Variants in CNOT1 observed in about 807,000 individuals in gnomAD.
The protein encoded by CNOT1 is CCR4-NOT transcription complex subunit 1.
A neutral mutation model predicts 273.8 loss-of-function variants in CNOT1; 15 were observed. The ratio of observed to expected loss-of-function variants is 0.05; its 90% confidence interval spans 0.04 to 0.08. The LOEUF is 0.08. Among genes scored for constraint, CNOT1 ranks in the 10% least tolerant of loss-of-function variants. The pLI is 1.00. For missense variants in CNOT1, 1,644 were observed against 2,912.2 expected (o/e 0.56, Z 10.02); for synonymous variants, 1,022 against 1,005.5 (o/e 1.02, Z -0.31).
chr16:58,615,431 C>T (rs2043039430), intron 1 of CNOT1, among the ~76,000 whole-genome samples: 1 of 124,870 alleles, frequency 8.0e-6, no homozygotes, highest in Non-Finnish European at 1.9e-5. Context: ...TCAGACCTAG[C>T]TCACAAAACC....
At chr16:58,533,397 G>A (rs1302979446) in intron 40 of CNOT1, among the ~76,000 whole-genome samples, 1 of 152,230 alleles carries the variant, frequency 6.6e-6, no homozygotes, top group Non-Finnish European at 1.5e-5. Context: ...AGCACTTTGG[G>A]AGGCTGAGGC....
intron 17 of CNOT1, 99 bp from the exon 18 acceptor site, chr16:58,558,773 G>A: frequency 6.8e-7 from 1 of 1,477,060 alleles, no homozygotes; most frequent in South Asian, 1.3e-5. Flanking sequence ...ATCTTAAAAA[G>A]CAAACTATTA....
rs549768685 is a variant in CNOT1, at chr16:58,629,608, G to C, written c.-175+120C>G. The C allele has an allele frequency of 2.6e-5, 4 of 152,868 alleles. No individual in the cohort carries two copies. In the East Asian group the frequency reaches 7.7e-4, roughly 30 times the overall value. The allele number at this position is 152,868 out of a possible 1,614,324, so 9.5% of individuals were successfully genotyped here. On this transcript the variant is annotated intron_variant, in intron 1 of 48. Transcript: ENST00000317147. Reference sequence around the variant, plus strand: ...CGTCCCGGCTGCCTCTCACTCCCTAGAGCTCCGGGAAACGCTTCCAGTGGC... The same window carrying C: ...CGTCCCGGCTGCCTCTCACTCCCTACAGCTCCGGGAAACGCTTCCAGTGGC...
intron 1 of CNOT1, among the ~76,000 whole-genome samples, chr16:58,612,047 C>G (rs2042921718): frequency 1.6e-5 from 1 of 63,392 alleles, no homozygotes; most frequent in South Asian, 3.9e-4. Flanking sequence ...TCGCGGCCAA[C>G]CTCAAAACAC....
chr16:58,549,052 G>A (rs1021337992), intron 25 of CNOT1, among the ~76,000 whole-genome samples: 3 of 152,192 alleles, frequency 2.0e-5, no homozygotes, highest in African/African-American at 7.2e-5. Flanking sequence ...ACTCTGGGAG[G>A]CCGAGGAGGG....
rs2040296870 is a variant in CNOT1, at chr16:58,547,513, T to C, written c.3639+53A>G. The stretch of plus-strand genomic sequence containing the variant: ...AATAGCTCCAAACAGCCAATACTTG[T>C]AATCATAATGTGCTGAAGATTCTCA... On this transcript the variant is annotated intron_variant, in intron 26 of 48. Coordinates refer to ENST00000317147, the MANE Select transcript of CNOT1 (RefSeq NM_016284.5). The surrounding 1 kb of genome is among the most constrained non-coding windows in gnomAD (Gnocchi z 4.0). 1.3e-6 allele frequency: 2 copies of C among 1,565,212 alleles called. No individual in the cohort carries two copies. Among genetic ancestry groups the C allele is most frequent in the Admixed American group, 3.8e-5 (2 of 52,396 alleles).
At chr16:58,560,455 T>TG (rs2040795236) in intron 16 of CNOT1, 93 bp from the exon 17 acceptor site, 3 of 1,490,224 alleles carry the variant, frequency 2.0e-6, no homozygotes, top group Non-Finnish European at 2.7e-6. Context: ...TTTTTTAAGA[T>TG]GGAGTCTCAC....
At chr16:58,623,809 T>G (rs532048348) in intron 1 of CNOT1, among the ~76,000 whole-genome samples, 5 of 152,022 alleles carry the variant, frequency 3.3e-5, no homozygotes, top group Non-Finnish European at 7.4e-5. Context: ...ACCAACATGA[T>G]GAAACCCCAT....
At chr16:58,604,117 T>G (rs1224541584) in intron 1 of CNOT1, among the ~76,000 whole-genome samples, 1 of 152,156 alleles carries the variant, frequency 6.6e-6, no homozygotes, top group Non-Finnish European at 1.5e-5. Context: ...TACATGAGAA[T>G]AGACAATAAG....
Position 58,615,092 on chromosome 16 carries a change from G to A in CNOT1, c.-175+14636C>T, listed in dbSNP as rs376213392. ...TTACTGAACCTGCAGGTGGACTTGG[G>A]AACTGTCCCCAACACGCTTGCCCAG... On this transcript the variant is annotated intron_variant, in intron 1 of 48. Coordinates refer to ENST00000317147, the MANE Select transcript of CNOT1 (RefSeq NM_016284.5). Among the ~76,000 whole-genome samples, 14 of 124,468 alleles carry A rather than the reference G, an allele frequency of 1.1e-4. 2 individuals are homozygous for A. The highest frequency in any genetic ancestry group is 2.7e-4 in the African/African-American group (10 of 36,886). 81.7% of individuals were successfully genotyped at this position (124,468 alleles called of 152,430 possible). A position where few individuals can be genotyped will look rare whatever the true frequency, so the allele number is the denominator to read the frequency against.
At chr16:58,612,128 A>G (rs2042924293) in intron 1 of CNOT1, among the ~76,000 whole-genome samples, 1 of 152,130 alleles carries the variant, frequency 6.6e-6, no homozygotes, top group African/African-American at 2.4e-5. Context: ...GCCACATGCC[A>G]GGCTGCAAAG....
At chr16:58,561,673 T>G (rs1292851524) in intron 16 of CNOT1, among the ~76,000 whole-genome samples, 1 of 152,198 alleles carries the variant, frequency 6.6e-6, no homozygotes, top group Admixed American at 6.5e-5. Context: ...ACTTTTTGAA[T>G]GCCAATGTTT....
At chr16:58,609,140 G>A (rs1386583996) in intron 1 of CNOT1, among the ~76,000 whole-genome samples, 4 of 152,144 alleles carry the variant, frequency 2.6e-5, no homozygotes, top group Admixed American at 1.3e-4. Flanking sequence ...TGGGGAGGCC[G>A]AGGCAGGTGG....
At chr16:58,616,599 CAA>C (rs1017113495) in intron 1 of CNOT1, among the ~76,000 whole-genome samples, 35 of 152,186 alleles carry the variant, frequency 2.3e-4, no homozygotes, top group African/African-American at 7.9e-4. Flanking sequence ...AAGATATAGT[CAA>C]AGTTTGGGAA....
chr16:58,572,921 GA>G (rs570556638), intron 16 of CNOT1, among the ~76,000 whole-genome samples: 26 of 140,150 alleles, frequency 1.9e-4, no homozygotes, highest in African/African-American at 5.3e-4. Flanking sequence ...AAAAAAAAAA[GA>G]AAAAAAAATT....
intron 16 of CNOT1, among the ~76,000 whole-genome samples, chr16:58,567,399 G>A (rs2041085995): frequency 6.6e-6 from 1 of 151,940 alleles, no homozygotes; most frequent in African/African-American, 2.4e-5. Flanking sequence ...AAGGCAGGAG[G>A]AGTGCCTCAG....
At chr16:58,527,165 T>C (rs56698329) in intron 44 of CNOT1, among the ~76,000 whole-genome samples, 6,629 of 152,220 alleles carry the variant, frequency 0.044, 424 homozygotes, top group East Asian at 0.26. Context: ...CCATATCTAA[T>C]TAACCTCAAA....
At chr16:58,606,660 A>G (rs1350915309) in intron 1 of CNOT1, among the ~76,000 whole-genome samples, 1 of 152,068 alleles carries the variant, frequency 6.6e-6, no homozygotes, top group Non-Finnish European at 1.5e-5. Context: ...AAAACTAGCC[A>G]GGTGTGGTGG....
At position 58,547,596 on chromosome 16, in the gene CNOT1, T is replaced by C. The variant is rs759283190; in HGVS notation, c.3609A>G (p.Thr1203=). 5 of 1,613,642 alleles carry C rather than the reference T, an allele frequency of 3.1e-6. No individual in the cohort carries two copies. The highest frequency in any genetic ancestry group is 4.2e-6 in the Non-Finnish European group (5 of 1,179,788). The change falls in exon 26 of 49, where the codon ACA becomes ACG. Residue 1203 remains threonine, a synonymous_variant. Coordinates refer to ENST00000317147, the MANE Select transcript of CNOT1 (RefSeq NM_016284.5). The surrounding 1 kb of genome is among the most constrained non-coding windows in gnomAD (Gnocchi z 4.0). ...KNLGHWLGMI[T]LAKNKPILHT... ...GTAAGATGGGTTTGTTTTTAGCTAATGTGATCATTCCTAGCCAATGTCCCA... is the reference window on the plus strand; with the variant it reads ...GTAAGATGGGTTTGTTTTTAGCTAACGTGATCATTCCTAGCCAATGTCCCA...
Sources: gnomAD v4.1 joint callset for allele counts (sites outside exome capture counted in the v4.1 genomes callset) on GRCh38, gnomAD v4.1.1 for gene constraint, Gnocchi (gnomAD v3.1) non-coding constraint, MANE v1.5 for transcripts, NCBI Gene and HGNC (gene_info 2026-07-23, HGNC 2026-07-21) for gene names.